Variants in KCNJ3 observed in about 807,000 individuals in gnomAD.
The protein encoded by KCNJ3 is G protein-activated inward rectifier potassium channel 1.
KCNJ3 carries 4 observed loss-of-function variants against 39.2 expected under a neutral mutation model. The observed-to-expected ratio is 0.10, with a 90% CI of 0.05 to 0.23. The LOEUF is 0.23. Among genes scored for constraint, KCNJ3 ranks in the 10% least tolerant of loss-of-function variants. KCNJ3 has a pLI of 1.00. For synonymous variants in KCNJ3, 230 were observed against 237.4 expected, an observed-to-expected ratio of 0.97 and a Z score of 0.29; for missense variants, 276 against 634.9, an observed-to-expected ratio of 0.43 and a Z score of 6.08.
chr2:154,741,437 T>A (rs201011264), intron 2 of KCNJ3, among the ~76,000 whole-genome samples: 7 of 23,942 alleles, frequency 2.9e-4, no homozygotes, highest in African/African-American at 8.1e-4. Flanking sequence ...TTTTGATGAA[T>A]TTTTTTTTTT....
intron 2 of KCNJ3, among the ~76,000 whole-genome samples, chr2:154,781,173 GCC>G (rs2105203418): frequency 6.6e-6 from 1 of 152,234 alleles, no homozygotes; most frequent in East Asian, 1.9e-4. Flanking sequence ...TAGCCTAGAA[GCC>G]CCAAGAAAGA....
intron 2 of KCNJ3, among the ~76,000 whole-genome samples, chr2:154,736,374 T>TAAAAAAA (rs70983745): frequency 5.3e-4 from 49 of 93,200 alleles, no homozygotes; most frequent in Admixed American, 9.1e-4. Context: ...TCACTAGTTC[T>TAAAAAAA]AAAAAAAAAA....
chr2:154,792,642 T>A (rs896546593), intron 2 of KCNJ3, among the ~76,000 whole-genome samples: 7 of 152,132 alleles, frequency 4.6e-5, no homozygotes, highest in Non-Finnish European at 7.4e-5. Context: ...CACTAGTATG[T>A]GATTGTGTTT....
At chr2:154,752,752 G>C (rs1685868460) in intron 2 of KCNJ3, among the ~76,000 whole-genome samples, 1 of 151,944 alleles carries the variant, frequency 6.6e-6, no homozygotes, top group African/African-American at 2.4e-5. Flanking sequence ...AATTGTGCCA[G>C]TATGACAAAG....
intron 2 of KCNJ3, among the ~76,000 whole-genome samples, chr2:154,842,843 TGA>T (rs1435177885): frequency 2.0e-5 from 3 of 152,202 alleles, no homozygotes; most frequent in Admixed American, 2.0e-4. Flanking sequence ...TCTTTGCACG[TGA>T]GATGGGTCTC....
intron 2 of KCNJ3, among the ~76,000 whole-genome samples, chr2:154,716,276 A>ATTTTTTTTTTTT (rs535989708): frequency 3.9e-3 from 451 of 115,386 alleles, no homozygotes; most frequent in African/African-American, 4.8e-3. Flanking sequence ...CGGCCGGCTA[A>ATTTTTTTTTTTT]TTTTTTTTTT....
In KCNJ3 at chr2:154,755,377, A is replaced by G. The variant is rs116398533; in HGVS notation, c.919+45558A>G. Among the ~76,000 whole-genome samples, 1,338 of 151,730 alleles carry G rather than the reference A, an allele frequency of 8.8e-3. 12 individuals are homozygous for G. The highest frequency in any genetic ancestry group is 0.015 in the Non-Finnish European group (998 of 67,880). ...TGAGTATTCTCTGGTTTTCATTTGG[A>G]TAAGTTTTGTCATGTGTATTTAGAG... On this transcript the variant is annotated intron_variant, in intron 2 of 2. Coordinates refer to ENST00000295101, the MANE Select transcript of KCNJ3 (RefSeq NM_002239.4).
chr2:154,823,247 TAATC>T (rs1687214194), intron 2 of KCNJ3, among the ~76,000 whole-genome samples: 1 of 151,636 alleles, frequency 6.6e-6, no homozygotes, highest in South Asian at 2.1e-4. Flanking sequence ...ATATGAATAA[TAATC>T]AAAAGGACAA....
At chr2:154,824,287 G>T (rs1024208416) in intron 2 of KCNJ3, among the ~76,000 whole-genome samples, 18 of 152,116 alleles carry the variant, frequency 1.2e-4, no homozygotes, top group African/African-American at 4.3e-4. Flanking sequence ...AGTAAGCTGT[G>T]ATCGCGCCAC....
At chr2:154,852,988 C>T (rs893585754) in intron 2 of KCNJ3, among the ~76,000 whole-genome samples, 7 of 151,824 alleles carry the variant, frequency 4.6e-5, no homozygotes, top group Non-Finnish European at 1.0e-4. Flanking sequence ...AAAAAACCCA[C>T]GCATAGAAAT....
intron 2 of KCNJ3, among the ~76,000 whole-genome samples, chr2:154,824,344 T>G (rs976488315): frequency 6.6e-6 from 1 of 151,830 alleles, no homozygotes; most frequent in Non-Finnish European, 1.5e-5. Context: ...TCAAGAAAAA[T>G]AAAATAGAAA....
intron 2 of KCNJ3, among the ~76,000 whole-genome samples, chr2:154,754,734 T>C (rs559331910): frequency 2.6e-5 from 4 of 152,208 alleles, no homozygotes. Flanking sequence ...AATGTCCTTG[T>C]GAAGTTTCTC....
chr2:154,844,248 C>T (rs1428457192), intron 2 of KCNJ3, among the ~76,000 whole-genome samples: 1 of 152,170 alleles, frequency 6.6e-6, no homozygotes. Flanking sequence ...CACTCCAGAC[C>T]CTGTTTGCCT....
chr2:154,727,578 A>G (rs1290398083), intron 2 of KCNJ3, among the ~76,000 whole-genome samples: 1 of 142,894 alleles, frequency 7.0e-6, no homozygotes, highest in Non-Finnish European at 1.5e-5. Context: ...GGGAAGCAAG[A>G]GCGAAACTCC....
chr2:154,726,574 T>G (rs1685361224), intron 2 of KCNJ3, among the ~76,000 whole-genome samples: 1 of 151,980 alleles, frequency 6.6e-6, no homozygotes, highest in South Asian at 2.1e-4. Context: ...GAGCTAAAAG[T>G]AGATCTACCA....
chr2:154,702,023 A>C (rs572665963), intron 1 of KCNJ3, among the ~76,000 whole-genome samples: 21 of 152,136 alleles, frequency 1.4e-4, no homozygotes, highest in Non-Finnish European at 2.2e-4. Flanking sequence ...TTTGCCTTTA[A>C]TAAGTTGCTC....
At chr2:154,703,932 G>A (rs951260455) in intron 1 of KCNJ3, among the ~76,000 whole-genome samples, 1 of 151,970 alleles carries the variant, frequency 6.6e-6, no homozygotes, top group Non-Finnish European at 1.5e-5. Flanking sequence ...ATATTCAAGA[G>A]GTCTAAAGCT....
intron 2 of KCNJ3, among the ~76,000 whole-genome samples, chr2:154,744,512 T>C (rs1317202602): frequency 1.3e-5 from 2 of 151,866 alleles, no homozygotes; most frequent in Non-Finnish European, 2.9e-5. Flanking sequence ...TTTATGGCTA[T>C]ATGACTATTC....
intron 2 of KCNJ3, among the ~76,000 whole-genome samples, chr2:154,761,237 A>G (rs1341092384): frequency 2.0e-5 from 3 of 151,848 alleles, no homozygotes; most frequent in Admixed American, 1.3e-4. Context: ...GAAGAAGTAG[A>G]GCATATTTTC....
Sources: gnomAD v4.1 joint callset for allele counts (sites outside exome capture counted in the v4.1 genomes callset) on GRCh38, gnomAD v4.1.1 for gene constraint, MANE v1.5 for transcripts, NCBI Gene and HGNC (gene_info 2026-07-23, HGNC 2026-07-21) for gene names.